GRB2: variants seen among roughly 807,000 people sequenced by gnomAD.
GRB2 encodes growth factor receptor-bound protein 2.
Under a neutral mutation model 27.4 loss-of-function variants are expected in GRB2, and 2 were observed. The ratio of observed to expected loss-of-function variants is 0.07; its 90% CI spans 0.03 to 0.23. The LOEUF (loss-of-function observed/expected upper bound fraction) is 0.23. Among genes scored for constraint, GRB2 ranks in the 10% least tolerant of loss-of-function variants. The probability of loss-of-function intolerance (pLI) is 1.00; values close to 1 mark genes in which losing one functional copy is unlikely to be tolerated. For synonymous variants in GRB2, 94 were observed against 99.6 expected (o/e 0.94, Z 0.33); for missense variants, 102 against 282.4 (o/e 0.36, Z 4.58).
At chr17:75,361,770 T>C (rs1463150981) in intron 2 of GRB2, among the ~76,000 whole-genome samples, 1 of 151,806 alleles carries the variant, frequency 6.6e-6, no homozygotes, top group African/African-American at 2.4e-5. Flanking sequence ...ATGAGCAAAA[T>C]ATATTACGCT....
chr17:75,390,245 C>T (rs1283625478), intron 2 of GRB2, among the ~76,000 whole-genome samples: 1 of 152,206 alleles, frequency 6.6e-6, no homozygotes, highest in Non-Finnish European at 1.5e-5. Flanking sequence ...GAGGCTGGCT[C>T]TAGAATGGAA....
chr17:75,359,730 T>C (rs1463195785), intron 2 of GRB2, among the ~76,000 whole-genome samples: 1 of 152,068 alleles, frequency 6.6e-6, no homozygotes. Flanking sequence ...TTCACACTTG[T>C]ATATGTTGTT....
intron 2 of GRB2, among the ~76,000 whole-genome samples, chr17:75,368,921 C>T (rs1298900667): frequency 6.6e-6 from 1 of 152,220 alleles, no homozygotes; most frequent in Non-Finnish European, 1.5e-5. Flanking sequence ...CATATACTTG[C>T]TGTTTTAAGT....
intron 2 of GRB2, among the ~76,000 whole-genome samples, chr17:75,350,235 GAAAAAA>G (rs35602764): frequency 7.6e-6 from 1 of 130,966 alleles, no homozygotes. Context: ...TCTCTGAGGG[GAAAAAA>G]AAAAAAAAAA....
At chr17:75,330,026 T>A (rs1483552402) in intron 3 of GRB2, among the ~76,000 whole-genome samples, 1 of 152,138 alleles carries the variant, frequency 6.6e-6, no homozygotes, top group African/African-American at 2.4e-5. Context: ...TAGGCTGGAG[T>A]GCAGTGGCGT....
At chr17:75,402,616 T>C (rs1270784242) in intron 1 of GRB2, among the ~76,000 whole-genome samples, 1 of 152,200 alleles carries the variant, frequency 6.6e-6, no homozygotes, top group Non-Finnish European at 1.5e-5. Context: ...TGATTCACTG[T>C]GGGGTACATC....
At chr17:75,362,324 A>G (rs980509409) in intron 2 of GRB2, among the ~76,000 whole-genome samples, 7 of 152,182 alleles carry the variant, frequency 4.6e-5, no homozygotes, top group Admixed American at 2.0e-4. Flanking sequence ...AAATACACAT[A>G]TATTTATGTA....
At chr17:75,396,648 A>G (rs576792130) in intron 1 of GRB2, among the ~76,000 whole-genome samples, 4 of 151,960 alleles carry the variant, frequency 2.6e-5, no homozygotes, top group African/African-American at 9.7e-5. Context: ...TCGGCCTCCC[A>G]AAGTGCTAGG....
chr17:75,401,507 C>T (rs1233302925), intron 1 of GRB2, among the ~76,000 whole-genome samples: 6 of 148,976 alleles, frequency 4.0e-5, no homozygotes, highest in African/African-American at 1.5e-4. Context: ...AGCGAGATCA[C>T]AGAACACTTT....
At chr17:75,367,513 C>A (rs532079124) in intron 2 of GRB2, among the ~76,000 whole-genome samples, 27 of 152,172 alleles carry the variant, frequency 1.8e-4, no homozygotes, top group Non-Finnish European at 3.1e-4. Context: ...GAGGTAGAAA[C>A]TGCCTAGAGC....
intron 5 of GRB2, 83 bp downstream of exon 5, chr17:75,321,576 G>A (rs1038882963): frequency 1.5e-6 from 2 of 1,307,204 alleles, no homozygotes; most frequent in East Asian, 2.3e-5. Context: ...ATGTTGAGGG[G>A]CGCCTCCCCT....
chr17:75,382,799 T>C (rs888708205), intron 2 of GRB2, among the ~76,000 whole-genome samples: 13 of 152,144 alleles, frequency 8.5e-5, no homozygotes, highest in African/African-American at 3.1e-4. Flanking sequence ...AGCTCAGCCT[T>C]CCGGGTTCAC....
intron 2 of GRB2, chr17:75,393,319 C>G (rs2079009834): frequency 1.8e-6 from 1 of 566,786 alleles, no homozygotes; most frequent in Non-Finnish European, 3.1e-6. Context: ...CCAGTATCAA[C>G]AGACAAATGA....
chr17:75,355,181 T>C (rs935511839), intron 2 of GRB2, among the ~76,000 whole-genome samples: 1 of 152,226 alleles, frequency 6.6e-6, no homozygotes, highest in Non-Finnish European at 1.5e-5. Flanking sequence ...TCCCATCTCT[T>C]CTTGCCTGCT....
At chr17:75,347,493 C>A (rs567388823) in intron 2 of GRB2, among the ~76,000 whole-genome samples, 1 of 152,252 alleles carries the variant, frequency 6.6e-6, no homozygotes, top group East Asian at 1.9e-4. Flanking sequence ...CTGTTCTGAG[C>A]CCATAAAAGC....
At chr17:75,330,491 C>G (rs1002278456) in intron 3 of GRB2, among the ~76,000 whole-genome samples, 1 of 152,060 alleles carries the variant, frequency 6.6e-6, no homozygotes, top group South Asian at 2.1e-4. Context: ...TTGGCCAACA[C>G]AGTGAAACCC....
intron 2 of GRB2, among the ~76,000 whole-genome samples, chr17:75,369,238 C>T (rs148137133): frequency 4.5e-3 from 691 of 152,228 alleles, no homozygotes; most frequent in African/African-American, 0.016. Flanking sequence ...AATGATTATC[C>T]TCATTTTGCA....
chr17:75,393,264 C>T, intron 2 of GRB2: 2 of 481,984 alleles, frequency 4.1e-6, no homozygotes, highest in Non-Finnish European at 7.4e-6. Context: ...TACTCATATA[C>T]TTCCTTTCTA....
intron 1 of GRB2, among the ~76,000 whole-genome samples, chr17:75,395,840 G>GTTTTTT (rs11344182): frequency 1.4e-5 from 2 of 139,518 alleles, no homozygotes. Context: ...TACTTTTTGT[G>GTTTTTT]TTTTTTTTTT....
Sources: allele counts gnomAD v4.1 joint callset (sites outside exome capture counted in the v4.1 genomes callset), GRCh38; gene constraint gnomAD v4.1.1; transcripts MANE v1.5; gene names NCBI Gene and HGNC (gene_info 2026-07-23, HGNC 2026-07-21).